The following SNAP47 variants were observed in gnomAD, a reference collection of about 807,000 sequenced individuals.
SNAP47 encodes synaptosome associated protein 47.
Under a neutral mutation model 31.4 loss-of-function variants are expected in SNAP47, and 20 were observed. That is an observed-to-expected ratio of 0.64 (90% confidence interval 0.45 to 0.93). The LOEUF (loss-of-function observed/expected upper bound fraction) is 0.93, where lower values mean the gene tolerates loss of function less well. Ranked by LOEUF, SNAP47 falls within the 40% of genes least tolerant of loss-of-function variation. The probability of loss-of-function intolerance (pLI) is 0.00; values close to 1 mark genes in which losing one functional copy is unlikely to be tolerated. For synonymous variants in SNAP47, 194 were observed against 213.4 expected (o/e 0.91, Z 0.79); for missense variants, 492 against 528.5 (o/e 0.93, Z 0.68).
At chr1:227,728,684 T>A (rs1181214803) in exon 1 of SNAP47, 2 of 147,930 alleles carry the variant, frequency 1.4e-5, no homozygotes, top group African/African-American at 2.5e-5. Flanking sequence ...GTTCCTGCCC[T>A]CACAGGGTCC....
At chr1:227,776,717 A>G in intron 4 of SNAP47, 8 of 985,494 alleles carry the variant, frequency 8.1e-6, no homozygotes, top group Non-Finnish European at 9.6e-6. Context: ...GGACACTAGC[A>G]GTTTGAAGGT....
intron 3 of SNAP47, among the ~76,000 whole-genome samples, chr1:227,765,067 C>A (rs1663304919): frequency 6.6e-6 from 1 of 152,138 alleles, no homozygotes; most frequent in Non-Finnish European, 1.5e-5. Context: ...TTTTAAAGCC[C>A]ACATTGTAGC....
At chr1:227,728,348 CG>C (rs529382742), upstream of SNAP47, among the ~76,000 whole-genome samples, 16 of 149,868 alleles carry the variant, frequency 1.1e-4, no homozygotes, top group Admixed American at 4.7e-4. Context: ...GCCACCGGAG[CG>C]GGGGGGGCGG....
At chr1:227,733,387 TA>T (rs1302072399), upstream of SNAP47, 1 of 1,561,210 alleles carries the variant, frequency 6.4e-7, no homozygotes, top group Admixed American at 2.0e-5. Flanking sequence ...AGGCCCCTGA[TA>T]GGGGGCAGGA....
intron 1 of SNAP47, among the ~76,000 whole-genome samples, chr1:227,742,226 T>C (rs1029100470): frequency 8.6e-5 from 13 of 152,040 alleles, no homozygotes; most frequent in African/African-American, 2.7e-4. Context: ...TTCTCCTTCC[T>C]GTGTCCATGT....
At chr1:227,734,176 G>A, upstream of SNAP47, 1 of 910,864 alleles carries the variant, frequency 1.1e-6, no homozygotes, top group Non-Finnish European at 1.6e-6. Context: ...ACCCTCCTCT[G>A]AGCCAGACGC....
rs914555566 is a variant in SNAP47, at chr1:227,741,195, G to A, written c.-46+5696G>A. ...GCGTGAGGGAGTCTGGCTGGAGTGG[G>A]TGTTTGGGAGGCAACGGCTTGGGGG... On this transcript the variant is annotated intron_variant, in intron 1 of 4. Coordinates refer to ENST00000617596, the MANE Select transcript of SNAP47 (RefSeq NM_053052.4). This position sits in a 1 kb window ranked among gnomAD's most constrained non-coding sequence, Gnocchi z 4.2. Among the ~76,000 whole-genome samples the A allele has an allele frequency of 2.6e-5, 4 of 152,174 alleles. No homozygotes were observed. Among genetic ancestry groups the A allele is most frequent in the Non-Finnish European group, 5.9e-5 (4 of 68,028 alleles).
chr1:227,776,049 G>A, intron 4 of SNAP47: 9 of 1,192,346 alleles, frequency 7.5e-6, no homozygotes, highest in African/African-American at 1.6e-5. Context: ...TGTCAGCCAC[G>A]CATCAGTTGC....
In SNAP47 at chr1:227,767,082, A is replaced by G; in HGVS notation, c.1112A>G (p.Gln371Arg). The change falls in exon 4 of 5, where the codon CAG becomes CGG. Residue 371 changes from glutamine (Q) to arginine (R), a missense_variant and splice_region_variant. Coordinates refer to ENST00000617596, the MANE Select transcript of SNAP47 (RefSeq NM_053052.4). ...GAGGCAGATACCCAGGAACTAACCC[A>G]GGTAAGATGTCCCCAGTGCCATGCC... ...LSEADTQELT[Q>R]ILRRMKGLAL... 1.2e-6 allele frequency: 2 copies of G among 1,614,046 alleles called. No homozygotes were observed. The highest frequency in any genetic ancestry group is 1.1e-5 in the South Asian group (1 of 91,072).
upstream of SNAP47, chr1:227,732,749 C>T: frequency 1.9e-6 from 3 of 1,593,200 alleles, no homozygotes; most frequent in Non-Finnish European, 2.6e-6. Context: ...CGACATGCGC[C>T]CAGTCCCCAA....
chr1:227,735,189 G>C, upstream of SNAP47: 3 of 1,581,480 alleles, frequency 1.9e-6, no homozygotes, highest in South Asian at 1.1e-5. Context: ...AAGGCTACCC[G>C]GCCCGGAGCC....
At chr1:227,760,857 C>T (rs1663014112) in intron 3 of SNAP47, among the ~76,000 whole-genome samples, 1 of 152,260 alleles carries the variant, frequency 6.6e-6, no homozygotes, top group Non-Finnish European at 1.5e-5. Context: ...ATAGCCACTT[C>T]CTCTAGAGTC....
chr1:227,732,660 C>T (rs1280591208), upstream of SNAP47: 33 of 1,612,934 alleles, frequency 2.0e-5, no homozygotes, highest in Non-Finnish European at 2.8e-5. Context: ...GATGCCCGAG[C>T]AGGACCTCAT....
chr1:227,765,853 G>T (rs1190390912), intron 3 of SNAP47, among the ~76,000 whole-genome samples: 2 of 152,180 alleles, frequency 1.3e-5, no homozygotes, highest in East Asian at 3.9e-4. Flanking sequence ...GCCGGGTGCT[G>T]TCAGGGAGGG....
At position 227,780,551 on chromosome 1, in the gene SNAP47, G is replaced by T; in HGVS notation, c.1138G>T (p.Ala380Ser). 1 of 1,614,114 alleles carries T rather than the reference G, an allele frequency of 6.2e-7. No homozygotes were observed. The highest frequency in any genetic ancestry group is 8.5e-7 in the Non-Finnish European group (1 of 1,180,036). The part of the protein sequence containing the change: ...TQILRRMKGL[A>S]LEAESELERQ... ...GATCCTGAGGAGGATGAAGGGGCTG[G>T]CCCTGGAGGCCGAGAGTGAGCTGGA... Residue 380 changes from alanine to serine, a missense_variant, in exon 5 of 5, where the codon GCC becomes TCC. Physicochemically the swap from Ala to Ser is moderately conservative, Grantham distance 99. Transcript: ENST00000617596.
At chr1:227,775,831 A>T (rs2102999252) in intron 4 of SNAP47, 1 of 1,304,126 alleles carries the variant, frequency 7.7e-7, no homozygotes, top group South Asian at 1.2e-5. Flanking sequence ...AGTGTTGGTG[A>T]TGCTTTGCTC....
chr1:227,755,198 C>G lies in SNAP47; in HGVS notation c.498-3797C>G, dbSNP rs1662618783. On this transcript the variant is annotated intron_variant, in intron 2 of 4. Transcript: ENST00000617596. ...CCCAGACACTCCTTTCAGTTGATTCCAGGTTTTTATTTATTTACTTTTTGA... is the reference window on the plus strand; with the variant it reads ...CCCAGACACTCCTTTCAGTTGATTCGAGGTTTTTATTTATTTACTTTTTGA... Among the ~76,000 whole-genome samples, 4 of 151,736 alleles carry G rather than the reference C, an allele frequency of 2.6e-5. No homozygotes were observed. The South Asian group carries it at 8.4e-4, about 32-fold the overall frequency.
chr1:227,745,702 A>C (rs1571997372), intron 1 of SNAP47: 1 of 152,292 alleles, frequency 6.6e-6, no homozygotes, highest in African/African-American at 2.4e-5. Context: ...GATCAGTGTC[A>C]CAGCTGGAGA....
At chr1:227,729,778 G>A (rs147083983) in intron 1 of SNAP47, among the ~76,000 whole-genome samples, 8 of 152,318 alleles carry the variant, frequency 5.3e-5, no homozygotes, top group African/African-American at 1.9e-4. Context: ...ATGGATTCCA[G>A]CCAATCACAA....
Sources: allele counts gnomAD v4.1 joint callset (sites outside exome capture counted in the v4.1 genomes callset), GRCh38; gene constraint gnomAD v4.1.1; non-coding constraint Gnocchi (gnomAD v3.1); transcripts MANE v1.5; gene names NCBI Gene and HGNC (gene_info 2026-07-23, HGNC 2026-07-21).